The following NELL1 variants were observed in gnomAD, a reference collection of about 807,000 sequenced individuals.
NELL1 encodes the protein neural EGFL like 1, also known as protein kinase C-binding protein NELL1.
In NELL1, 76 loss-of-function variants were observed where a neutral mutation model predicts 107.4. The observed-to-expected ratio is 0.71, with a 90% CI of 0.59 to 0.86. The LOEUF (loss-of-function observed/expected upper bound fraction) is 0.86. Ranked by LOEUF, NELL1 falls within the 40% of genes least tolerant of loss-of-function variation. The pLI is 0.00. For synonymous variants in NELL1, 353 were observed against 341.2 expected (o/e 1.03, Z -0.38); for missense variants, 1,024 against 1,005.5 (o/e 1.02, Z -0.25).
intron 2 of NELL1, chr11:20,769,220 T>C (rs976037746): frequency 3.9e-5 from 6 of 152,340 alleles, no homozygotes; most frequent in African/African-American, 1.2e-4. Context: ...GGCTTGCTGA[T>C]GGATGAATGT....
chr11:20,757,167 T>C (rs1446587840), intron 2 of NELL1, among the ~76,000 whole-genome samples: 1 of 152,126 alleles, frequency 6.6e-6, no homozygotes, highest in Non-Finnish European at 1.5e-5. Context: ...ACTTAGTTTT[T>C]TTTTTTTAAA....
At chr11:20,720,896 G>A (rs1855365542) in intron 2 of NELL1, among the ~76,000 whole-genome samples, 1 of 152,068 alleles carries the variant, frequency 6.6e-6, no homozygotes, top group Non-Finnish European at 1.5e-5. Context: ...TGGAGATTAG[G>A]ACTTCAACAT....
Position 20,968,836 on chromosome 11 carries a change from G to A in NELL1, c.1300+8276G>A, listed in dbSNP as rs139807063. Among the ~76,000 whole-genome samples, 810 of 152,198 alleles carry A rather than the reference G, an allele frequency of 5.3e-3. 7 individuals carry two copies. Among genetic ancestry groups the A allele is most frequent in the African/African-American group, 0.019 (772 of 41,536 alleles). On this transcript the variant is annotated intron_variant, in intron 12 of 19. Transcript: ENST00000357134. The stretch of plus-strand genomic sequence containing the variant: ...GTCACCAGGGAAGGGGAAAAGAATG[G>A]AAGGTTACCAGTGGGAGGTTTTTAT...
rs180816383 is a variant in NELL1 at position 21,200,786 on chromosome 11, A to C, written c.1427-28546A>C. Among the ~76,000 whole-genome samples, 521 of 152,308 alleles carry C rather than the reference A, an allele frequency of 3.4e-3. 3 individuals carry two copies. Among genetic ancestry groups the C allele is most frequent in the African/African-American group, 0.011 (471 of 41,564 alleles). ...TTTTAGGTCTTAAGTTTAAGTCTTTAATCCATCTTGAGTTAATGTTTGTAT... is the reference window on the plus strand; with the variant it reads ...TTTTAGGTCTTAAGTTTAAGTCTTTCATCCATCTTGAGTTAATGTTTGTAT... On this transcript the variant is annotated intron_variant, in intron 13 of 19. Transcript: ENST00000357134.
intron 15 of NELL1, among the ~76,000 whole-genome samples, chr11:21,514,753 T>C (rs1358795615): frequency 6.8e-6 from 1 of 147,742 alleles, no homozygotes. Context: ...GGAATACATC[T>C]GTCACAGGGG....
chr11:21,157,531 G>A (rs1427252501), intron 13 of NELL1, among the ~76,000 whole-genome samples: 3 of 152,102 alleles, frequency 2.0e-5, no homozygotes, highest in African/African-American at 7.2e-5. Flanking sequence ...TCTTGGTATA[G>A]CAGTTCTTGC....
intron 14 of NELL1, among the ~76,000 whole-genome samples, chr11:21,280,122 C>G (rs1848960041): frequency 6.6e-6 from 1 of 152,126 alleles, no homozygotes; most frequent in South Asian, 2.1e-4. Context: ...TGTAATGATA[C>G]TACAATGGTG....
intron 13 of NELL1, among the ~76,000 whole-genome samples, chr11:21,165,393 C>T (rs1484749074): frequency 2.6e-5 from 4 of 152,192 alleles, no homozygotes. Flanking sequence ...AGGATCCAAC[C>T]TTCTGAATCT....
At position 21,507,881 on chromosome 11, in the gene NELL1, A is replaced by G. The variant is rs1426440984; in HGVS notation, c.1646-26493A>G. ...GTGCAACCTCTACCTGCCGGGTTCC[A>G]GCGATTCTCCTGCCTCAGCCTCCCA... On this transcript the variant is annotated intron_variant, in intron 15 of 19. Coordinates refer to ENST00000357134, the MANE Select transcript of NELL1 (RefSeq NM_006157.5). Among the ~76,000 whole-genome samples, 4 of 151,266 alleles carry G rather than the reference A, an allele frequency of 2.6e-5. No homozygotes were observed. In the East Asian group the frequency reaches 7.8e-4, roughly 30 times the overall value.
chr11:21,332,056 G>C (rs1448589639), intron 14 of NELL1, among the ~76,000 whole-genome samples: 1 of 151,946 alleles, frequency 6.6e-6, no homozygotes, highest in African/African-American at 2.4e-5. Context: ...TCTATAGATG[G>C]TCTTTCTGAG....
intron 13 of NELL1, among the ~76,000 whole-genome samples, chr11:21,208,787 G>A (rs1857440445): frequency 1.3e-5 from 2 of 151,968 alleles, no homozygotes; most frequent in East Asian, 1.9e-4. Context: ...GTTATAGCCC[G>A]AAGAAAGATT....
intron 13 of NELL1, among the ~76,000 whole-genome samples, chr11:21,147,460 C>T (rs946926703): frequency 1.3e-5 from 2 of 152,132 alleles, no homozygotes; most frequent in African/African-American, 2.4e-5. Flanking sequence ...GCTTCGAAGA[C>T]ACAAGCTGGG....
intron 12 of NELL1, among the ~76,000 whole-genome samples, chr11:21,015,260 C>G (rs1213088058): frequency 1.3e-5 from 2 of 150,100 alleles, no homozygotes; most frequent in African/African-American, 5.1e-5. Flanking sequence ...GCTAGAGAAC[C>G]AAGTGTGAAT....
intron 12 of NELL1, among the ~76,000 whole-genome samples, chr11:21,088,189 A>G (rs1007029212): frequency 2.0e-5 from 3 of 151,980 alleles, no homozygotes; most frequent in Admixed American, 2.0e-4. Context: ...ATAGATGACC[A>G]CGACCATACC....
chr11:21,250,609 A>C (rs899897458), intron 14 of NELL1, among the ~76,000 whole-genome samples: 8 of 152,216 alleles, frequency 5.3e-5, no homozygotes, highest in Non-Finnish European at 4.4e-5. Context: ...AACACAAACA[A>C]ACTCAAAAGA....
At chr11:21,534,582 CT>C (rs1856085613) in intron 16 of NELL1, 68 bp downstream of exon 16, 2 of 1,486,430 alleles carry the variant, frequency 1.3e-6, no homozygotes, top group African/African-American at 2.8e-5. Context: ...TGCTTTGGTA[CT>C]CTGTTCAGCT....
At position 20,927,421 on chromosome 11, in the gene NELL1, T is replaced by G. The variant is rs778156628; in HGVS notation, c.873T>G (p.His291Gln). 3 of 1,610,374 alleles carry G rather than the reference T, an allele frequency of 1.9e-6. No individual in the cohort carries two copies. The highest frequency in any genetic ancestry group is 2.5e-6 in the Non-Finnish European group (3 of 1,179,324). Residue 291 changes from histidine to glutamine, a missense_variant, in exon 8 of 20, where the codon CAT becomes CAG. By Grantham distance (24) the His-to-Gln change is conservative. Transcript: ENST00000357134. ...AAGACTCTTGGGTAGATGGTGACCA[T>G]TGCAGGAACTGCACTTGCAAAGTAA... is the stretch of plus-strand genomic sequence containing the variant. The part of the protein sequence containing the change: ...RDQDSWVDGD[H>Q]CRNCTCKSGA...
intron 11 of NELL1, among the ~76,000 whole-genome samples, chr11:20,955,991 T>C (rs951041231): frequency 6.6e-6 from 1 of 151,428 alleles, no homozygotes; most frequent in African/African-American, 2.4e-5. Context: ...GAGGCTGAGG[T>C]GGCTGGATCA....
At chr11:20,801,371 C>T (rs370360152) in intron 3 of NELL1, among the ~76,000 whole-genome samples, 9 of 152,152 alleles carry the variant, frequency 5.9e-5, no homozygotes, top group East Asian at 1.9e-4. Context: ...TGCAAAGCCC[C>T]ATCTGAAGAT....
Sources: gnomAD v4.1 joint callset for allele counts (sites outside exome capture counted in the v4.1 genomes callset) on GRCh38, gnomAD v4.1.1 for gene constraint, MANE v1.5 for transcripts, NCBI Gene and HGNC (gene_info 2026-07-23, HGNC 2026-07-21) for gene names.